The following ALK variants were observed in gnomAD, a reference collection of about 807,000 sequenced individuals.
ALK encodes the protein ALK receptor tyrosine kinase.
A neutral mutation model predicts 163.1 loss-of-function variants in ALK; 74 were observed. The ratio of observed to expected loss-of-function variants is 0.45; its 90% CI spans 0.38 to 0.55. The LOEUF (loss-of-function observed/expected upper bound fraction) is 0.55. Ranked by LOEUF, ALK falls within the 20% of genes least tolerant of loss-of-function variation. The pLI, the probability that ALK is intolerant of heterozygous loss-of-function variation, is 0.00. For synonymous variants in ALK, 960 were observed against 843.2 expected (o/e 1.14, Z -2.40); for missense variants, 2,063 against 2,105.3 (o/e 0.98, Z 0.39).
intron 4 of ALK, among the ~76,000 whole-genome samples, chr2:29,501,938 T>C (rs975759700): frequency 5.3e-5 from 8 of 152,250 alleles, no homozygotes; most frequent in Non-Finnish European, 5.9e-5. Flanking sequence ...ATAGTATTTG[T>C]CTTTATGTGT....
chr2:29,826,295 T>A (rs865900146), intron 1 of ALK, among the ~76,000 whole-genome samples: 2 of 152,028 alleles, frequency 1.3e-5, no homozygotes, highest in African/African-American at 4.8e-5. Context: ...CTTTTTTGTG[T>A]GTGAAAAATC....
chr2:29,873,356 C>T (rs1461594252), intron 1 of ALK, among the ~76,000 whole-genome samples: 1 of 152,174 alleles, frequency 6.6e-6, no homozygotes, highest in East Asian at 1.9e-4. Context: ...AAGATGTGTG[C>T]TGGGACCCAG....
intron 9 of ALK, among the ~76,000 whole-genome samples, chr2:29,282,072 C>A (rs959232013): frequency 6.6e-6 from 1 of 152,126 alleles, no homozygotes; most frequent in African/African-American, 2.4e-5. Flanking sequence ...AAGGCATTTG[C>A]CAGCTGGGCA....
intron 4 of ALK, among the ~76,000 whole-genome samples, chr2:29,513,304 T>C (rs1672574303): frequency 7.2e-6 from 1 of 138,872 alleles, no homozygotes; most frequent in African/African-American, 2.8e-5. Context: ...AACAGAGATA[T>C]AGATCAATGG....
At chr2:29,697,465 C>T (rs367679110) in intron 2 of ALK, among the ~76,000 whole-genome samples, 1 of 152,292 alleles carries the variant, frequency 6.6e-6, no homozygotes, top group East Asian at 1.9e-4. Context: ...GGTACATGGG[C>T]CACTCAGCTT....
chr2:29,536,781 G>C (rs1299894772), intron 3 of ALK, among the ~76,000 whole-genome samples: 2 of 152,128 alleles, frequency 1.3e-5, no homozygotes, highest in Non-Finnish European at 2.9e-5. Context: ...GGACAGTGAA[G>C]ACAAAGCTAA....
At chr2:29,505,257 G>A (rs1672286784) in intron 4 of ALK, among the ~76,000 whole-genome samples, 1 of 152,108 alleles carries the variant, frequency 6.6e-6, no homozygotes, top group Non-Finnish European at 1.5e-5. Context: ...GAGCCACACA[G>A]CCCCCAGCAT....
chr2:29,562,782 C>T (rs1674063707), intron 3 of ALK, among the ~76,000 whole-genome samples: 1 of 152,216 alleles, frequency 6.6e-6, no homozygotes, highest in South Asian at 2.1e-4. Flanking sequence ...CAACTTATTT[C>T]TTAAGTATTA....
intron 1 of ALK, among the ~76,000 whole-genome samples, chr2:29,823,383 G>A (rs755853324): frequency 3.3e-5 from 5 of 152,178 alleles, no homozygotes; most frequent in Non-Finnish European, 7.4e-5. Context: ...AAATGTGGAA[G>A]CGACTTTGGA....
At chr2:29,700,986 G>A (rs1678715663) in intron 2 of ALK, among the ~76,000 whole-genome samples, 1 of 152,218 alleles carries the variant, frequency 6.6e-6, no homozygotes, top group African/African-American at 2.4e-5. Flanking sequence ...CCCAGCATTG[G>A]TTACTCAGGC....
intron 3 of ALK, among the ~76,000 whole-genome samples, chr2:29,683,520 A>T (rs1268469960): frequency 1.3e-5 from 2 of 152,222 alleles, no homozygotes; most frequent in Non-Finnish European, 2.9e-5. Flanking sequence ...AACCTTTGCT[A>T]TGCAGGTTAA....
At chr2:29,354,582 C>G (rs374715120) in intron 5 of ALK, among the ~76,000 whole-genome samples, 19 of 62,128 alleles carry the variant, frequency 3.1e-4, no homozygotes, top group African/African-American at 1.2e-3. Flanking sequence ...CTCAATGTCC[C>G]AGTTTTAGAG....
intron 1 of ALK, among the ~76,000 whole-genome samples, chr2:29,861,434 AAATG>A (rs1280010890): frequency 3.3e-5 from 5 of 152,186 alleles, no homozygotes; most frequent in Non-Finnish European, 7.3e-5. Flanking sequence ...ATAAAATAAA[AAATG>A]AAAGAGGAGA....
chr2:29,915,838 C>T (rs980026549), intron 1 of ALK, among the ~76,000 whole-genome samples: 1 of 152,168 alleles, frequency 6.6e-6, no homozygotes, highest in Non-Finnish European at 1.5e-5. Context: ...GCCTCCCAAA[C>T]CCCTGGATAT....
At chr2:29,837,556 CTG>C (rs1442448029) in intron 1 of ALK, among the ~76,000 whole-genome samples, 1 of 152,198 alleles carries the variant, frequency 6.6e-6, no homozygotes, top group Admixed American at 6.5e-5. Flanking sequence ...TGGCACAAGA[CTG>C]TGGAGAATCC....
intron 1 of ALK, among the ~76,000 whole-genome samples, chr2:29,721,546 C>T (rs1461014938): frequency 6.6e-6 from 1 of 152,210 alleles, no homozygotes; most frequent in African/African-American, 2.4e-5. Context: ...CATATGCTTC[C>T]ACATTCTCAG....
At chr2:29,841,804 C>G (rs1665708916) in intron 1 of ALK, among the ~76,000 whole-genome samples, 1 of 152,134 alleles carries the variant, frequency 6.6e-6, no homozygotes, top group Non-Finnish European at 1.5e-5. Context: ...AAACAAAACT[C>G]TCTGTTCTGA....
intron 5 of ALK, among the ~76,000 whole-genome samples, chr2:29,373,279 TAAC>T (rs1344681425): frequency 1.3e-5 from 2 of 152,242 alleles, no homozygotes; most frequent in African/African-American, 4.8e-5. Flanking sequence ...TTATAAGCGG[TAAC>T]AACACCATTT....
At chr2:29,387,367 T>G (rs1669056345) in intron 4 of ALK, among the ~76,000 whole-genome samples, 1 of 152,182 alleles carries the variant, frequency 6.6e-6, no homozygotes. Flanking sequence ...GGACCAGCCA[T>G]TTTTGCAGAG....
Sources: allele counts gnomAD v4.1 joint callset (sites outside exome capture counted in the v4.1 genomes callset), GRCh38; gene constraint gnomAD v4.1.1; transcripts MANE v1.5; gene names NCBI Gene and HGNC (gene_info 2026-07-23, HGNC 2026-07-21).